FMN2: variants seen among roughly 807,000 people sequenced by gnomAD.
The protein encoded by FMN2 is formin 2.
FMN2 carries 51 observed loss-of-function variants against 142.3 expected under a neutral mutation model. That is an observed-to-expected ratio of 0.36 (90% CI 0.29 to 0.45). The LOEUF is 0.45. FMN2 is among the 20% of genes least tolerant of loss of function. FMN2 has a pLI of 1.00. For missense variants in FMN2, 1,936 were observed against 2,122.8 expected, an observed-to-expected ratio of 0.91 and a Z score of 1.73; for synonymous variants, 882 against 869.8, an observed-to-expected ratio of 1.01 and a Z score of -0.25.
intron 2 of FMN2, among the ~76,000 whole-genome samples, chr1:240,134,155 C>A (rs1212485930): frequency 1.3e-5 from 2 of 152,120 alleles, no homozygotes; most frequent in East Asian, 3.9e-4. Flanking sequence ...AATATTATTG[C>A]CTTTCAAGTT....
At chr1:240,357,224 G>A (rs1672301277) in intron 14 of FMN2, among the ~76,000 whole-genome samples, 1 of 151,996 alleles carries the variant, frequency 6.6e-6, no homozygotes, top group South Asian at 2.1e-4. Context: ...AATCCTAGGA[G>A]GATTTATTCA....
rs1373287644 is a variant in FMN2, at chr1:240,208,677, C to G, written c.3865C>G (p.Pro1289Ala). Residue 1289 changes from proline (P) to alanine (A), a missense_variant, in exon 5 of 18, where the codon CCT (proline) becomes GCT (alanine). Pro to Ala is a conservative substitution (Grantham distance 27). Coordinates refer to ENST00000319653, the MANE Select transcript of FMN2 (RefSeq NM_020066.5). Reference sequence around the variant, plus strand: ...AGGGAGTAGGAAGCAGCCCATAGAGCCTTGTCGACCAATGAAGCCTCTTTA... The same window carrying G: ...AGGGAGTAGGAAGCAGCCCATAGAGGCTTGTCGACCAATGAAGCCTCTTTA... ...DKGSRKQPIEPCRPMKPLYWT... is the reference protein window; with the variant it reads ...DKGSRKQPIEACRPMKPLYWT... The G allele has an allele frequency of 6.2e-7, 1 of 1,613,782 alleles. No individual in the cohort carries two copies. The highest frequency in any genetic ancestry group is 1.1e-5 in the South Asian group (1 of 91,084).
At chr1:240,386,108 A>T (rs1373201241) in intron 14 of FMN2, among the ~76,000 whole-genome samples, 1 of 152,230 alleles carries the variant, frequency 6.6e-6, no homozygotes, top group African/African-American at 2.4e-5. Flanking sequence ...AAGGAAAGAT[A>T]TTCTGAAAGT....
In FMN2 at chr1:240,438,129, C is replaced by G. The variant is rs754262732; in HGVS notation, c.4979C>G (p.Ala1660Gly). 1.2e-6 allele frequency: 2 copies of G among 1,614,136 alleles called. No individual in the cohort carries two copies. Among genetic ancestry groups the G allele is most frequent in the Admixed American group, 3.3e-5 (2 of 60,008 alleles). ...GGAGAGAAGGAGGTGTCCCCAAATG[C>G]TTTCTTCAGTATCTGGCATGAATTC... ...KLGEKEVSPN[A>G]FFSIWHEFSS... Residue 1660 changes from alanine (A) to glycine (G), a missense_variant, in exon 16 of 18, where the codon GCT becomes GGT. Physicochemically the swap from Ala to Gly is moderately conservative, Grantham distance 60. Transcript: ENST00000319653.
At chr1:240,233,102 C>T (rs954966547) in intron 6 of FMN2, among the ~76,000 whole-genome samples, 5 of 152,214 alleles carry the variant, frequency 3.3e-5, no homozygotes, top group South Asian at 2.1e-4. Flanking sequence ...GTATGATGGC[C>T]GGGCTTGGTG....
chr1:240,121,381 ATTT>A (rs149431338), intron 1 of FMN2, among the ~76,000 whole-genome samples: 2 of 141,008 alleles, frequency 1.4e-5, no homozygotes, highest in Admixed American at 7.2e-5. Context: ...TTTTATTTTT[ATTT>A]TTTTTTTTTT....
rs71567282 is a variant in FMN2 at position 240,241,825 on chromosome 1, C to CTTTTTTTTTTTT, written c.4066-16102_4066-16091dup. On this transcript the variant is annotated intron_variant, in intron 6 of 17. Coordinates refer to ENST00000319653, the MANE Select transcript of FMN2 (RefSeq NM_020066.5). ...ATTTTCTTTATTTTAGTGTGCCTTG[C>CTTTTTTTTTTTT]TTTTTTTTTTTTTTTTTTTTTTTTT... Among the ~76,000 whole-genome samples the CTTTTTTTTTTTT allele has an allele frequency of 2.3e-4, 22 of 96,226 alleles. 2 individuals carry two copies. The highest frequency in any genetic ancestry group is 8.0e-4 in the African/African-American group (21 of 26,322). 63.1% of individuals were successfully genotyped at this position (96,226 alleles called of 152,430 possible). A position where few individuals can be genotyped will look rare whatever the true frequency, so the allele number is the denominator to read the frequency against.
chr1:240,193,865 C>G (rs1300015603), intron 4 of FMN2, among the ~76,000 whole-genome samples: 1 of 152,208 alleles, frequency 6.6e-6, no homozygotes, highest in Non-Finnish European at 1.5e-5. Flanking sequence ...CTGATATCTG[C>G]TTAGACTCAT....
intron 8 of FMN2, among the ~76,000 whole-genome samples, chr1:240,304,976 T>C (rs1670331192): frequency 6.6e-6 from 1 of 152,200 alleles, no homozygotes; most frequent in African/African-American, 2.4e-5. Context: ...GCTAGTACAA[T>C]TGTCTAGATG....
chr1:240,416,015 G>A (rs1346019806), intron 15 of FMN2, among the ~76,000 whole-genome samples: 1 of 151,982 alleles, frequency 6.6e-6, no homozygotes, highest in African/African-American at 2.4e-5. Flanking sequence ...AATTCACAGA[G>A]TAAATCCACC....
Position 240,093,343 on chromosome 1 carries a change from C to T in FMN2, c.1234C>T (p.Pro412Ser). The T allele has an allele frequency of 6.2e-7, 1 of 1,613,024 alleles. No homozygotes were observed. Among genetic ancestry groups the T allele is most frequent in the Non-Finnish European group, 8.5e-7 (1 of 1,179,550 alleles). The change falls in exon 1 of 18, where the codon CCG becomes TCG. Residue 412 changes from proline to serine, a missense_variant. Around this residue, in one of 8 missense-constraint regions of FMN2, gnomAD observed 751 missense variants for 791.8 expected, o/e 0.95. Coordinates refer to ENST00000319653, the MANE Select transcript of FMN2 (RefSeq NM_020066.5). ...TAGCCAGCGCTGTTTCAAGCCCTAC[C>T]CGCTCATCACCCCCTGCTACATCAA... ...APSQRCFKPY[P>S]LITPCYIKTT...
chr1:240,401,153 C>G (rs1045774107), intron 15 of FMN2: 1 of 149,956 alleles, frequency 6.7e-6, no homozygotes, highest in Non-Finnish European at 1.5e-5. Flanking sequence ...TAGACATGCA[C>G]ATACACATAT....
chr1:240,303,086 T>A (rs1670259847), intron 8 of FMN2, among the ~76,000 whole-genome samples: 1 of 152,272 alleles, frequency 6.6e-6, no homozygotes, highest in Non-Finnish European at 1.5e-5. Flanking sequence ...TATATTTCCC[T>A]TCTTATTCCA....
At chr1:240,123,036 C>T (rs772154965) in intron 1 of FMN2, 143 bp from the exon 2 acceptor site, 64 of 853,462 alleles carry the variant, frequency 7.5e-5, no homozygotes, top group Middle Eastern at 7.2e-4. Flanking sequence ...TTTCTCCTAG[C>T]TTGAGAGGCT....
At chr1:240,097,808 A>G (rs552576401) in intron 1 of FMN2, among the ~76,000 whole-genome samples, 2 of 152,262 alleles carry the variant, frequency 1.3e-5, no homozygotes, top group Admixed American at 6.5e-5. Flanking sequence ...GCATTACATA[A>G]CTATCTGTAA....
At chr1:240,168,047 T>C (rs1034892135) in intron 2 of FMN2, among the ~76,000 whole-genome samples, 9 of 152,180 alleles carry the variant, frequency 5.9e-5, no homozygotes, top group African/African-American at 2.2e-4. Context: ...TGAGACTCTG[T>C]CTCAAAAGAA....
At chr1:240,187,467 A>T (rs1665528820) in intron 3 of FMN2, among the ~76,000 whole-genome samples, 1 of 152,000 alleles carries the variant, frequency 6.6e-6, no homozygotes, top group African/African-American at 2.4e-5. Flanking sequence ...GGTGCAGAGG[A>T]TGGATGAGAT....
chr1:240,107,209 T>G (rs965136722), intron 1 of FMN2, among the ~76,000 whole-genome samples: 2 of 152,040 alleles, frequency 1.3e-5, no homozygotes, highest in Non-Finnish European at 2.9e-5. Flanking sequence ...GAAGAGCAAT[T>G]TCATCATCAC....
intron 6 of FMN2, among the ~76,000 whole-genome samples, chr1:240,228,323 A>AAAAAAAAAAAAAAAAAAAAAAAAAT (rs1667401927): frequency 1.1e-5 from 1 of 93,004 alleles, no homozygotes; most frequent in Non-Finnish European, 2.0e-5. Flanking sequence ...AAAAAAAAAA[A>AAAAAAAAAAAAAAAAAAAAAAAAAT]AAAAAAAAAG....
Sources: gnomAD v4.1 joint callset for allele counts (sites outside exome capture counted in the v4.1 genomes callset) on GRCh38, gnomAD v4.1.1 for gene constraint, gnomAD v4.1.1 regional missense constraint, MANE v1.5 for transcripts, NCBI Gene and HGNC (gene_info 2026-07-23, HGNC 2026-07-21) for gene names.